The following BLZF1 variants were observed in gnomAD, a reference collection of about 807,000 sequenced individuals.
BLZF1 encodes basic leucine zipper nuclear factor 1, also known as golgin-45.
BLZF1 carries 39 observed loss-of-function variants against 43.8 expected under a neutral mutation model. The observed-to-expected ratio is 0.89, with a 90% CI of 0.69 to 1.16. BLZF1 has a LOEUF of 1.16. Ranked by LOEUF, BLZF1 falls within the 50% of genes most tolerant of loss-of-function variation. The pLI is 0.00. For missense variants in BLZF1, 449 were observed against 469.8 expected (o/e 0.96, Z 0.41); for synonymous variants, 136 against 159.4 (o/e 0.85, Z 1.11).
chr1:169,388,966 A>G (rs1316865599), downstream of BLZF1, among the ~76,000 whole-genome samples: 1 of 152,056 alleles, frequency 6.6e-6, no homozygotes, highest in Middle Eastern at 3.2e-3. Context: ...TACTAAAAAT[A>G]CAAAAAATTA....
intron 2 of BLZF1, among the ~76,000 whole-genome samples, chr1:169,374,220 CA>C (rs969293587): frequency 4.7e-5 from 7 of 148,176 alleles, no homozygotes; most frequent in Admixed American, 2.0e-4. Flanking sequence ...AAAAAAAATA[CA>C]AAAAAAATAC....
In BLZF1 at chr1:169,380,482, G is replaced by A. The variant is rs1259152383; in HGVS notation, c.670G>A (p.Val224Ile). 1.2e-6 allele frequency: 2 copies of A among 1,609,246 alleles called. No homozygotes were observed. Among genetic ancestry groups the A allele is most frequent in the Non-Finnish European group, 1.7e-6 (2 of 1,176,860 alleles). ...ATGTAAGATTTTAATCTTTTTCAGG[G>A]TAATGGCAGATGAGTTAACCAACTC... ...VWRSKFLASR[V>I]MADELTNSRA... is the part of the protein sequence containing the mutation. Residue 224 changes from valine to isoleucine, a missense_variant and splice_region_variant, in exon 5 of 7, where the codon GTA (valine) becomes ATA (isoleucine). Coordinates refer to ENST00000367808, the MANE Select transcript of BLZF1 (RefSeq NM_001320973.2).
At position 169,387,134 on chromosome 1, in the gene BLZF1, A is replaced by G. The variant is rs1321868195; in HGVS notation, c.1155A>G (p.Ile385Met). 1.1e-5 allele frequency: 18 copies of G among 1,613,410 alleles called. No homozygotes were observed. The highest frequency in any genetic ancestry group is 1.4e-5 in the Non-Finnish European group (17 of 1,179,846). ...RFHPYTRYEN[I>M]TFNCCNHCRG... ...ATCCCTATACTAGATATGAAAATAT[A>G]ACTTTCAATTGCTGCAATCACTGCC... is the stretch of plus-strand genomic sequence containing the variant. The change falls in exon 7 of 7, where the codon ATA becomes ATG. Residue 385 changes from isoleucine to methionine, a missense_variant. Ile to Met is a conservative substitution (Grantham distance 10). Coordinates refer to ENST00000367808, the MANE Select transcript of BLZF1 (RefSeq NM_001320973.2).
At chr1:169,382,916 T>C (rs1338462968) in intron 6 of BLZF1, among the ~76,000 whole-genome samples, 1 of 152,242 alleles carries the variant, frequency 6.6e-6, no homozygotes, top group East Asian at 1.9e-4. Flanking sequence ...TGATTCTTCA[T>C]TCTGACTCCC....
intron 6 of BLZF1, 85 bp downstream of exon 6, chr1:169,382,366 T>A: frequency 8.5e-7 from 1 of 1,175,408 alleles, no homozygotes; most frequent in Non-Finnish European, 1.2e-6. Flanking sequence ...GCATTTGGCA[T>A]TAGGAATTAG....
At chr1:169,373,829 A>G (rs1390520485) in intron 2 of BLZF1, among the ~76,000 whole-genome samples, 1 of 152,102 alleles carries the variant, frequency 6.6e-6, no homozygotes, top group African/African-American at 2.4e-5. Flanking sequence ...TAAAATTCCA[A>G]CTCAAAAATG....
At chr1:169,378,032 T>G (rs1420954619) in intron 3 of BLZF1, among the ~76,000 whole-genome samples, 1 of 152,006 alleles carries the variant, frequency 6.6e-6, no homozygotes, top group Non-Finnish European at 1.5e-5. Flanking sequence ...GTTTTAATTT[T>G]TTTTCCTTTA....
In BLZF1 at chr1:169,394,148, A is replaced by G. The variant is rs1323794870; in HGVS notation, c.*28-1746A>G. Among the ~76,000 whole-genome samples, 7 of 152,342 alleles carry G rather than the reference A, an allele frequency of 4.6e-5. No homozygotes were observed. The South Asian group carries it at 8.3e-4, about 18-fold the overall frequency. On this transcript the variant is annotated intron_variant, in intron 7 of 7. Transcript: ENST00000329281. ...ACAGATCAGTCTATGTGAACAAAAT[A>G]TTCATGTCTATATAGTTTCCTTCTC... is the stretch of plus-strand genomic sequence containing the variant.
intron 2 of BLZF1, among the ~76,000 whole-genome samples, chr1:169,371,754 C>T (rs1161119250): frequency 6.6e-6 from 1 of 152,118 alleles, no homozygotes; most frequent in African/African-American, 2.4e-5. Flanking sequence ...CAAAGCTTTT[C>T]TTGGATGTGG....
downstream of BLZF1, among the ~76,000 whole-genome samples, chr1:169,390,005 G>A (rs926191634): frequency 2.0e-5 from 3 of 152,134 alleles, no homozygotes; most frequent in African/African-American, 7.2e-5. Context: ...TGACAAAAAT[G>A]TTCTGGAGAT....
Position 169,387,187 on chromosome 1 carries a change from C to A in BLZF1, c.*5C>A. ...GGAGAACTGATTGCCCTTTAACAGT[C>A]AATATGTTGGAGGCATGCTAAGGTA... On this transcript the variant is annotated 3_prime_UTR_variant, in exon 7 of 7. Transcript: ENST00000367808. 1 of 1,610,204 alleles carries A rather than the reference C, an allele frequency of 6.2e-7. No homozygotes were observed. Among genetic ancestry groups the A allele is most frequent in the South Asian group, 1.1e-5 (1 of 90,228 alleles).
downstream of BLZF1, among the ~76,000 whole-genome samples, chr1:169,388,628 G>A (rs12033253): frequency 6.6e-6 from 1 of 152,036 alleles, no homozygotes; most frequent in East Asian, 1.9e-4. Context: ...TCTGATAACT[G>A]TCTAGTGTCC....
intron 7 of BLZF1, chr1:169,395,113 T>G: frequency 3.1e-6 from 5 of 1,613,822 alleles, no homozygotes; most frequent in Non-Finnish European, 4.2e-6. Context: ...GCTGTAACTG[T>G]TTAGAACGCT....
intron 4 of BLZF1, among the ~76,000 whole-genome samples, 172 bp from the exon 5 acceptor site, chr1:169,380,309 T>C (rs1654484425): frequency 6.6e-6 from 1 of 152,062 alleles, no homozygotes; most frequent in Non-Finnish European, 1.5e-5. Flanking sequence ...TAATGAACTC[T>C]AAGCTAATAA....
chr1:169,378,997 T>C (rs142377677), intron 4 of BLZF1, among the ~76,000 whole-genome samples: 73 of 152,100 alleles, frequency 4.8e-4, no homozygotes, highest in Middle Eastern at 3.4e-3. Context: ...ACATACTGGA[T>C]GAGGCTACTC....
chr1:169,384,241 T>C (rs1314938220), intron 6 of BLZF1, among the ~76,000 whole-genome samples: 1 of 152,148 alleles, frequency 6.6e-6, no homozygotes, highest in Non-Finnish European at 1.5e-5. Flanking sequence ...AAATGGTAGC[T>C]ATCGTTTTTA....
downstream of BLZF1, among the ~76,000 whole-genome samples, chr1:169,390,604 A>G (rs541110037): frequency 6.6e-6 from 1 of 152,184 alleles, no homozygotes; most frequent in Non-Finnish European, 1.5e-5. Flanking sequence ...TGGTGCTACA[A>G]AGAAACCTGA....
At chr1:169,372,683 C>T (rs1317723124) in intron 2 of BLZF1, among the ~76,000 whole-genome samples, 1 of 152,158 alleles carries the variant, frequency 6.6e-6, no homozygotes, top group Non-Finnish European at 1.5e-5. Flanking sequence ...GTTATTTTAA[C>T]TCAGGCTCTA....
chr1:169,369,293 T>TG (rs1654018701), intron 1 of BLZF1, among the ~76,000 whole-genome samples, 180 bp from the exon 2 acceptor site: 1 of 151,700 alleles, frequency 6.6e-6, no homozygotes, highest in Non-Finnish European at 1.5e-5. Flanking sequence ...TTTTTTTTTT[T>TG]GAGACTTTTA....
Sources: allele counts gnomAD v4.1 joint callset (sites outside exome capture counted in the v4.1 genomes callset), GRCh38; gene constraint gnomAD v4.1.1; transcripts MANE v1.5; gene names NCBI Gene and HGNC (gene_info 2026-07-23, HGNC 2026-07-21).